Variants in CERS6 observed in about 807,000 individuals in gnomAD.
CERS6 encodes the protein ceramide synthase 6.
In CERS6, 26 loss-of-function variants were observed where a neutral mutation model predicts 56.8. The ratio of observed to expected loss-of-function variants is 0.46; its 90% CI spans 0.34 to 0.63. CERS6 has a LOEUF of 0.63. CERS6 is among the 30% of genes least tolerant of loss of function. The pLI, the probability that CERS6 is intolerant of heterozygous loss-of-function variation, is 0.01. For missense variants in CERS6, 415 were observed against 467.5 expected, an observed-to-expected ratio of 0.89 and a Z score of 1.04; for synonymous variants, 164 against 173.3, an observed-to-expected ratio of 0.95 and a Z score of 0.42.
chr2:168,521,609 A>G (rs535360412), intron 1 of CERS6, among the ~76,000 whole-genome samples: 1 of 152,322 alleles, frequency 6.6e-6, no homozygotes, highest in South Asian at 2.1e-4. Context: ...GAAATGAGGC[A>G]CTTCCAGACA....
rs1685421065 is a variant in CERS6, at chr2:168,654,470, G to A, written c.465+23428G>A. Among the ~76,000 whole-genome samples the A allele has an allele frequency of 2.0e-5, 3 of 152,166 alleles. No homozygotes were observed. The South Asian group carries it at 6.2e-4, about 32-fold the overall frequency. On this transcript the variant is annotated intron_variant, in intron 4 of 9. Transcript: ENST00000305747. ...AGGCACAAGAATCACTTGAACCCGG[G>A]AGGTGGAGGATGAAGTGAGCCAAGA...
At chr2:168,591,989 G>T (rs972273565) in intron 3 of CERS6, among the ~76,000 whole-genome samples, 1 of 152,164 alleles carries the variant, frequency 6.6e-6, no homozygotes, top group Non-Finnish European at 1.5e-5. Flanking sequence ...GGGCCTCAGG[G>T]TGCCCAACTC....
At chr2:168,496,335 A>G (rs533324041) in intron 1 of CERS6, among the ~76,000 whole-genome samples, 6 of 151,368 alleles carry the variant, frequency 4.0e-5, no homozygotes, top group Non-Finnish European at 7.4e-5. Context: ...CTTGGAAGTC[A>G]TGATTTTTTT....
rs375488810 is a variant in CERS6 at position 168,638,728 on chromosome 2, T to C, written c.465+7686T>C. Among the ~76,000 whole-genome samples, 5 of 152,230 alleles carry C rather than the reference T, an allele frequency of 3.3e-5. No homozygotes were observed. In the South Asian group the frequency reaches 8.3e-4, roughly 25 times the overall value. On this transcript the variant is annotated intron_variant, in intron 4 of 9. Transcript: ENST00000305747. ...TTTATAAAATTTTCTGTAAAGAGCA[T>C]TGAGAAGCCTTTCCTCATGTTGTTG...
At chr2:168,473,713 C>G (rs1694018810) in intron 1 of CERS6, among the ~76,000 whole-genome samples, 1 of 151,992 alleles carries the variant, frequency 6.6e-6, no homozygotes, top group African/African-American at 2.4e-5. Flanking sequence ...CATTAGGAAA[C>G]TCCCCATACA....
At chr2:168,711,358 T>C (rs1687084250) in intron 6 of CERS6, among the ~76,000 whole-genome samples, 1 of 152,188 alleles carries the variant, frequency 6.6e-6, no homozygotes, top group Admixed American at 6.5e-5. Context: ...TAGTAAAGAC[T>C]TAAAGTATTA....
chr2:168,743,986 C>CT (rs1559076871), intron 8 of CERS6, among the ~76,000 whole-genome samples: 1 of 59,696 alleles, frequency 1.7e-5, no homozygotes, highest in African/African-American at 6.1e-5. Context: ...TTTCTTTTTT[C>CT]TTTTTTTTCT....
chr2:168,757,634 C>A (rs1684454928), intron 8 of CERS6, among the ~76,000 whole-genome samples: 1 of 152,172 alleles, frequency 6.6e-6, no homozygotes, highest in South Asian at 2.1e-4. Flanking sequence ...GTAATCCCAA[C>A]ACTTTAGGAG....
chr2:168,529,206 A>G (rs1411265100), intron 1 of CERS6, among the ~76,000 whole-genome samples: 1 of 152,168 alleles, frequency 6.6e-6, no homozygotes, highest in Admixed American at 6.5e-5. Flanking sequence ...TTCTACTGTC[A>G]TTGTCTCATT....
chr2:168,625,760 G>A lies in CERS6; in HGVS notation c.408-5225G>A, dbSNP rs140788620. ...GCTCAGCAGGTAGAGAGAGGTGAGT[G>A]AGTAGGACAGAGAAAAACCCTCTGG... On this transcript the variant is annotated intron_variant, in intron 3 of 9. Transcript: ENST00000305747. Among the ~76,000 whole-genome samples, 858 of 152,246 alleles carry A rather than the reference G, an allele frequency of 5.6e-3. 10 individuals carry two copies. Among genetic ancestry groups the A allele is most frequent in the African/African-American group, 0.019 (769 of 41,526 alleles).
At chr2:168,706,372 T>C (rs1686941864) in intron 6 of CERS6, among the ~76,000 whole-genome samples, 3 of 152,220 alleles carry the variant, frequency 2.0e-5, no homozygotes, top group Admixed American at 2.0e-4. Context: ...TAGACAAGAT[T>C]ATGAGTTCTT....
rs2105473232 is a variant in CERS6, at chr2:168,770,684, C to T, written c.*1022C>T. The T allele has an allele frequency of 6.5e-6, 1 of 152,712 alleles. No homozygotes were observed. Among genetic ancestry groups the T allele is most frequent in the East Asian group, 1.9e-4 (1 of 5,184 alleles). The allele number at this position is 152,712 out of a possible 1,614,324, so 9.5% of individuals were successfully genotyped here. A position where few individuals can be genotyped will look rare whatever the true frequency, so the allele number is the denominator to read the frequency against. On this transcript the variant is annotated 3_prime_UTR_variant, in exon 10 of 10. Coordinates refer to ENST00000305747, the MANE Select transcript of CERS6 (RefSeq NM_203463.3). ...GTGCAGAGCACTTTAATGCAACCAGCTTTCAAGAAAAAGCCCTATCTAGTA... is the reference window on the plus strand; with the variant it reads ...GTGCAGAGCACTTTAATGCAACCAGTTTTCAAGAAAAAGCCCTATCTAGTA...
intron 1 of CERS6, among the ~76,000 whole-genome samples, chr2:168,489,471 ATT>A (rs77499015): frequency 1.9e-4 from 26 of 135,158 alleles, no homozygotes; most frequent in African/African-American, 3.8e-4. Flanking sequence ...TTCTCCACCA[ATT>A]TTTTTTTTTT....
At chr2:168,563,625 G>A (rs954665280) in intron 3 of CERS6, among the ~76,000 whole-genome samples, 4 of 152,182 alleles carry the variant, frequency 2.6e-5, no homozygotes, top group Admixed American at 1.3e-4. Flanking sequence ...GTGAAACCCC[G>A]TCTCTACTAA....
intron 1 of CERS6, among the ~76,000 whole-genome samples, chr2:168,521,058 T>G (rs1694969375): frequency 6.6e-6 from 1 of 152,206 alleles, no homozygotes; most frequent in Non-Finnish European, 1.5e-5. Flanking sequence ...ACGTTTCTGT[T>G]TTTGATAGAT....
intron 6 of CERS6, among the ~76,000 whole-genome samples, chr2:168,708,669 G>A (rs1228563177): frequency 6.6e-6 from 1 of 152,002 alleles, no homozygotes; most frequent in Non-Finnish European, 1.5e-5. Context: ...GCTAATATGC[G>A]TCATTTGCAT....
intron 8 of CERS6, among the ~76,000 whole-genome samples, chr2:168,725,833 A>G (rs1223260120): frequency 6.6e-6 from 1 of 152,232 alleles, no homozygotes; most frequent in African/African-American, 2.4e-5. Context: ...ATGTCTAGTT[A>G]GCTCTCCTCA....
At chr2:168,686,919 A>G (rs1559052295) in intron 4 of CERS6, among the ~76,000 whole-genome samples, 1 of 152,246 alleles carries the variant, frequency 6.6e-6, no homozygotes, top group East Asian at 1.9e-4. Flanking sequence ...GAGAAATGAT[A>G]GGAATTTATT....
At chr2:168,546,067 C>T (rs1695460889) in intron 1 of CERS6, among the ~76,000 whole-genome samples, 1 of 152,176 alleles carries the variant, frequency 6.6e-6, no homozygotes. Context: ...GGGCAAATAA[C>T]CACAAAGCAG....
Sources: allele counts gnomAD v4.1 joint callset (sites outside exome capture counted in the v4.1 genomes callset), GRCh38; gene constraint gnomAD v4.1.1; transcripts MANE v1.5; gene names NCBI Gene and HGNC (gene_info 2026-07-23, HGNC 2026-07-21).